The following FARS2 variants were observed in gnomAD, a reference collection of about 807,000 sequenced individuals.
The protein encoded by FARS2 is phenylalanine--tRNA ligase, mitochondrial.
In FARS2, 40 loss-of-function variants were observed where a neutral mutation model predicts 46.4. That is an observed-to-expected ratio of 0.86 (90% CI 0.67 to 1.12). The LOEUF (loss-of-function observed/expected upper bound fraction) is 1.12, where lower values mean the gene tolerates loss of function less well. Among genes scored for constraint, FARS2 ranks in the 50% most tolerant of loss-of-function variants. FARS2 has a pLI of 0.00. For missense variants in FARS2, 513 were observed against 567.9 expected (o/e 0.90, Z 0.98); for synonymous variants, 234 against 214.9 (o/e 1.09, Z -0.78).
chr6:5,388,372 T>C (rs1197819782), intron 2 of FARS2, among the ~76,000 whole-genome samples: 1 of 152,242 alleles, frequency 6.6e-6, no homozygotes, highest in Non-Finnish European at 1.5e-5. Flanking sequence ...TTATTATTTA[T>C]TAAATGCAAT....
At chr6:5,647,401 A>G (rs575159881) in intron 6 of FARS2, among the ~76,000 whole-genome samples, 8 of 152,338 alleles carry the variant, frequency 5.3e-5, no homozygotes, top group South Asian at 2.1e-4. Flanking sequence ...AGAATTTAAC[A>G]TAATCAGCCA....
intron 6 of FARS2, among the ~76,000 whole-genome samples, chr6:5,718,479 C>A (rs1185787543): frequency 6.6e-6 from 1 of 152,218 alleles, no homozygotes; most frequent in East Asian, 1.9e-4. Flanking sequence ...GATAGCTTTT[C>A]AACAACTTCC....
At chr6:5,562,810 T>A (rs1314543727) in intron 5 of FARS2, among the ~76,000 whole-genome samples, 1 of 150,276 alleles carries the variant, frequency 6.7e-6, no homozygotes, top group Non-Finnish European at 1.5e-5. Context: ...CTTTTTCTTT[T>A]TTTTTTTTTT....
rs528423376 is a variant in FARS2 at position 5,275,129 on chromosome 6, G to A, written c.-22+13469G>A. Among the ~76,000 whole-genome samples, 11 of 152,220 alleles carry A rather than the reference G, an allele frequency of 7.2e-5. No individual in the cohort carries two copies. The South Asian group carries it at 2.1e-3, about 29-fold the overall frequency. ...TAAGTTATTTGTTTTTGCTGGTTGCGAATCACTGGGATATTTTCTTTCTTT... is the reference window on the plus strand; with the variant it reads ...TAAGTTATTTGTTTTTGCTGGTTGCAAATCACTGGGATATTTTCTTTCTTT... On this transcript the variant is annotated intron_variant, in intron 1 of 6. Transcript: ENST00000274680.
At chr6:5,576,214 T>C (rs1280603564) in intron 5 of FARS2, among the ~76,000 whole-genome samples, 1 of 152,114 alleles carries the variant, frequency 6.6e-6, no homozygotes, top group Non-Finnish European at 1.5e-5. Context: ...GGATCCTGGG[T>C]GTGTCTGTGA....
chr6:5,753,756 A>T (rs2150967884), intron 6 of FARS2, among the ~76,000 whole-genome samples: 1 of 152,304 alleles, frequency 6.6e-6, no homozygotes, highest in South Asian at 2.1e-4. Context: ...TCCAAATCAA[A>T]TATGGTCAAC....
chr6:5,589,099 A>G (rs1019672298), intron 5 of FARS2, among the ~76,000 whole-genome samples: 1 of 152,172 alleles, frequency 6.6e-6, no homozygotes, highest in African/African-American at 2.4e-5. Context: ...AAGGAACTGC[A>G]TCTCTGATAC....
intron 5 of FARS2, among the ~76,000 whole-genome samples, chr6:5,590,188 A>C (rs1773833496): frequency 6.6e-6 from 1 of 152,188 alleles, no homozygotes; most frequent in Non-Finnish European, 1.5e-5. Context: ...AGTGCAGGCA[A>C]ATGTGATAGT....
At chr6:5,603,021 A>C (rs2150640716) in intron 5 of FARS2, among the ~76,000 whole-genome samples, 1 of 152,312 alleles carries the variant, frequency 6.6e-6, no homozygotes, top group East Asian at 1.9e-4. Context: ...GTCATGTGTC[A>C]AGCCCACGGC....
intron 2 of FARS2, among the ~76,000 whole-genome samples, chr6:5,399,226 G>A (rs571561500): frequency 7.3e-5 from 11 of 150,320 alleles, no homozygotes; most frequent in East Asian, 3.9e-4. Flanking sequence ...CCAGGCTAGA[G>A]TACAGTGGCA....
At chr6:5,530,371 A>C (rs796912048) in intron 4 of FARS2, among the ~76,000 whole-genome samples, 31 of 152,338 alleles carry the variant, frequency 2.0e-4, no homozygotes, top group South Asian at 1.4e-3. Context: ...CTAAAGAGAC[A>C]TGATATGTAA....
At chr6:5,548,921 T>C (rs1231701408) in intron 5 of FARS2, among the ~76,000 whole-genome samples, 6 of 152,250 alleles carry the variant, frequency 3.9e-5, no homozygotes, top group Non-Finnish European at 8.8e-5. Context: ...GTTCATAAAA[T>C]ACTTTGTGAA....
At chr6:5,724,063 C>A (rs759914381) in intron 6 of FARS2, among the ~76,000 whole-genome samples, 22 of 152,312 alleles carry the variant, frequency 1.4e-4, no homozygotes, top group Non-Finnish European at 2.8e-4. Flanking sequence ...CACGGGAGGC[C>A]GCTCCAGGCA....
intron 3 of FARS2, among the ~76,000 whole-genome samples, chr6:5,405,480 C>CTTGTTTTTTTTTTTTTTTTT (rs1761518955): frequency 1.7e-5 from 1 of 58,946 alleles, no homozygotes; most frequent in Non-Finnish European, 3.1e-5. Context: ...GAGCAAGGTT[C>CTTGTTTTTTTTTTTTTTTTT]TTTTTTTTTT....
Position 5,414,818 on chromosome 6 carries a change from T to TG in FARS2, c.772+10117_772+10118insG, listed in dbSNP as rs1253213548. Among the ~76,000 whole-genome samples, 11 of 136,792 alleles carry TG rather than the reference T, an allele frequency of 8.0e-5. No homozygotes were observed. The South Asian group carries it at 1.3e-3, about 17-fold the overall frequency. 89.7% of individuals were successfully genotyped at this position (136,792 alleles called of 152,430 possible). A position where few individuals can be genotyped will look rare whatever the true frequency, so the allele number is the denominator to read the frequency against. On this transcript the variant is annotated intron_variant, in intron 3 of 6. Coordinates refer to ENST00000274680, the MANE Select transcript of FARS2 (RefSeq NM_006567.5). ...CATGGTAGGTATATGACTGTTTTTT[T>TG]TTTTTTTTTTTTTTTGAGACAGAGT...
At chr6:5,268,166 C>G (rs1194445698) in intron 1 of FARS2, among the ~76,000 whole-genome samples, 3 of 151,884 alleles carry the variant, frequency 2.0e-5, no homozygotes, top group South Asian at 2.1e-4. Flanking sequence ...CCTGTTCACT[C>G]TGATGGTAGT....
intron 4 of FARS2, among the ~76,000 whole-genome samples, chr6:5,543,885 CTT>C (rs138364237): frequency 2.1e-5 from 3 of 140,936 alleles, no homozygotes; most frequent in African/African-American, 5.2e-5. Context: ...TGTTTGTTTG[CTT>C]TTTTTTTTTT....
intron 4 of FARS2, among the ~76,000 whole-genome samples, chr6:5,468,884 A>G (rs1382008190): frequency 6.6e-6 from 1 of 152,200 alleles, no homozygotes; most frequent in Admixed American, 6.5e-5. Context: ...TTTTGGAATG[A>G]TGAAGTTTAA....
chr6:5,420,476 TG>T (rs998848304), intron 3 of FARS2, among the ~76,000 whole-genome samples: 1 of 152,098 alleles, frequency 6.6e-6, no homozygotes, highest in Admixed American at 6.5e-5. Flanking sequence ...CTAGATACAA[TG>T]GGGGTACTGG....
Sources: gnomAD v4.1 joint callset for allele counts (sites outside exome capture counted in the v4.1 genomes callset) on GRCh38, gnomAD v4.1.1 for gene constraint, MANE v1.5 for transcripts, NCBI Gene and HGNC (gene_info 2026-07-23, HGNC 2026-07-21) for gene names.